Variants in BICRA observed in about 807,000 individuals in gnomAD.
BICRA encodes the protein BRD4 interacting chromatin remodeling complex associated protein.
BICRA carries 31 observed loss-of-function variants against 96.9 expected under a neutral mutation model. That is an observed-to-expected ratio of 0.32 (90% confidence interval 0.24 to 0.43). BICRA has a LOEUF of 0.43. Among genes scored for constraint, BICRA ranks in the 20% least tolerant of loss-of-function variants. The pLI is 1.00. For synonymous variants in BICRA, 1,350 were observed against 1,071.8 expected, an observed-to-expected ratio of 1.26 and a Z score of -5.07; for missense variants, 2,283 against 2,190.3, an observed-to-expected ratio of 1.04 and a Z score of -0.84.
intron 11 of BICRA, 131 bp downstream of exon 11, chr19:47,696,643 T>C (rs1973347873): frequency 1.3e-6 from 1 of 758,908 alleles, no homozygotes; most frequent in South Asian, 1.8e-5. Context: ...TTGGTAGCGA[T>C]GTAGTTCCCT....
chr19:47,685,243 C>T (rs923510826), intron 7 of BICRA, among the ~76,000 whole-genome samples: 2 of 151,970 alleles, frequency 1.3e-5, no homozygotes, highest in Non-Finnish European at 2.9e-5. Flanking sequence ...ACCTTGGCTT[C>T]TCACAGGGCT....
intron 1 of BICRA, among the ~76,000 whole-genome samples, chr19:47,644,139 C>G (rs1192667891): frequency 6.6e-6 from 1 of 152,050 alleles, no homozygotes; most frequent in African/African-American, 2.4e-5. Flanking sequence ...CCACCTCAGT[C>G]TCCCAAGTGG....
intron 1 of BICRA, among the ~76,000 whole-genome samples, chr19:47,648,029 T>A (rs572752892): frequency 6.6e-6 from 1 of 152,092 alleles, no homozygotes; most frequent in South Asian, 2.1e-4. Flanking sequence ...TGGGTCGGTG[T>A]GCGGGATAGG....
At chr19:47,638,811 T>C (rs1041730597) in intron 1 of BICRA, among the ~76,000 whole-genome samples, 1 of 151,962 alleles carries the variant, frequency 6.6e-6, no homozygotes, top group Non-Finnish European at 1.5e-5. Flanking sequence ...GCCGCCACCA[T>C]GCCCGGCTAG....
intron 1 of BICRA, among the ~76,000 whole-genome samples, chr19:47,656,989 G>T (rs1170693991): frequency 1.3e-5 from 2 of 152,070 alleles, no homozygotes; most frequent in South Asian, 4.1e-4. Context: ...AGCCTCCCGA[G>T]TAGCTGGGAC....
chr19:47,659,646 G>A (rs1482073304), intron 1 of BICRA, among the ~76,000 whole-genome samples: 1 of 150,390 alleles, frequency 6.6e-6, no homozygotes, highest in Non-Finnish European at 1.5e-5. Flanking sequence ...GGATTCCTTT[G>A]TGCAGTGAAC....
chr19:47,637,528 C>T (rs1972317648), intron 1 of BICRA, among the ~76,000 whole-genome samples: 1 of 152,198 alleles, frequency 6.6e-6, no homozygotes, highest in Non-Finnish European at 1.5e-5. Context: ...GATTCTCCTG[C>T]CTTGTTGAGA....
intron 1 of BICRA, among the ~76,000 whole-genome samples, chr19:47,642,629 G>A (rs1412372099): frequency 6.6e-6 from 1 of 152,154 alleles, no homozygotes; most frequent in African/African-American, 2.4e-5. Context: ...TTGAGCCCTG[G>A]AGGTGGAGGT....
In BICRA at chr19:47,701,908, C is replaced by A; in HGVS notation, c.4176C>A (p.Arg1392=). The change falls in exon 15 of 15, where the codon CGC becomes CGA. Residue 1392 remains arginine, a synonymous_variant. Transcript: ENST00000594866. The surrounding 1 kb of genome is among the most constrained non-coding windows in gnomAD (Gnocchi z 5.4). ...CPRLPLRKTY[R]ENVGGPGAPE... is the part of the protein sequence containing the mutation. ...GCCTGCCACTGCGCAAGACCTACCG[C>A]GAGAACGTGGGGGGCCCTGGCGCGC... is the stretch of plus-strand genomic sequence containing the variant. The A allele has an allele frequency of 6.9e-7, 1 of 1,441,838 alleles. No homozygotes were observed. Among genetic ancestry groups the A allele is most frequent in the Non-Finnish European group, 9.0e-7 (1 of 1,105,928 alleles). 89.3% of individuals were successfully genotyped at this position (1,441,838 alleles called of 1,614,324 possible). A position where few individuals can be genotyped will look rare whatever the true frequency, so the allele number is the denominator to read the frequency against.
chr19:47,676,745 T>C (rs745360135), intron 5 of BICRA, among the ~76,000 whole-genome samples: 39 of 151,752 alleles, frequency 2.6e-4, no homozygotes, highest in Non-Finnish European at 5.1e-4. Context: ...TTTCATAATA[T>C]AAATGATGAG....
chr19:47,684,510 G>C (rs1973115826), intron 7 of BICRA, among the ~76,000 whole-genome samples: 1 of 152,154 alleles, frequency 6.6e-6, no homozygotes, highest in South Asian at 2.1e-4. Flanking sequence ...TAGAGAGATG[G>C]GGTTTCGCCA....
rs1356470014 is a variant in BICRA at position 47,694,340 on chromosome 19, A to G, written c.2509A>G (p.Ile837Val). 3.2e-6 allele frequency: 3 copies of G among 942,186 alleles called. No individual in the cohort carries two copies. The highest frequency in any genetic ancestry group is 4.2e-5 in the African/African-American group (2 of 47,134). 58.4% of individuals were successfully genotyped at this position (942,186 alleles called of 1,614,324 possible). ...CCCAACTCTGCCTGGCATCTTTGTC[A>G]TCCAAAACCAGCTAGGCGTTCCCCC... ...APPTLPGIFV[I>V]QNQLGVPPPA... is the part of the protein sequence containing the mutation. The change falls in exon 8 of 15, where the codon ATC becomes GTC. Residue 837 changes from isoleucine (I) to valine (V), a missense_variant. By Grantham distance (29) the Ile-to-Val change is conservative (BLOSUM62 3). Transcript: ENST00000594866.
chr19:47,621,723 C>T (rs1472790405), intron 1 of BICRA, among the ~76,000 whole-genome samples: 1 of 152,100 alleles, frequency 6.6e-6, no homozygotes, highest in African/African-American at 2.4e-5. Flanking sequence ...CTGGCGTCCG[C>T]CTCCCAAAGT....
At position 47,633,794 on chromosome 19, in the gene BICRA, T is replaced by G. The variant is rs145962805; in HGVS notation, c.-108+24626T>G. Among the ~76,000 whole-genome samples the G allele has an allele frequency of 3.5e-3, 528 of 152,348 alleles. 5 individuals carry two copies. The highest frequency in any genetic ancestry group is 0.012 in the African/African-American group (508 of 41,576). ...ACCTCACCTGTAGTGAGTCATCGGG[T>G]GACAAGCCCTGACCTGAAGCCAGGC... On this transcript the variant is annotated intron_variant, in intron 1 of 14. Coordinates refer to ENST00000594866, the MANE Select transcript of BICRA (RefSeq NM_001394372.1).
chr19:47,661,373 G>A (rs545302478), intron 1 of BICRA, among the ~76,000 whole-genome samples: 4 of 152,226 alleles, frequency 2.6e-5, no homozygotes, highest in African/African-American at 9.6e-5. Context: ...TCATAGCCAC[G>A]TGGCCCAGGC....
rs1017539317 is a variant in BICRA, at chr19:47,694,120, G to A, written c.2289G>A (p.Pro763=). ...TCCCTCCCTCCCCTGCCCAGATCCC[G>A]GCAGCGGCTCCGCTGAAGGGCCCAG... The part of the protein sequence containing the change: ...QASPAPAPQI[P]AAAPLKGPGP... Residue 763 remains proline, a synonymous_variant, in exon 8 of 15, where the codon CCG becomes CCA. Coordinates refer to ENST00000594866, the MANE Select transcript of BICRA (RefSeq NM_001394372.1). 2.1e-5 allele frequency: 18 copies of A among 864,288 alleles called. No homozygotes were observed. The highest frequency in any genetic ancestry group is 1.1e-4 in the East Asian group (1 of 9,248). The allele number at this position is 864,288 out of a possible 1,614,324, so 53.5% of individuals were successfully genotyped here.
chr19:47,612,718 T>C (rs375694110), intron 1 of BICRA, among the ~76,000 whole-genome samples: 18 of 151,124 alleles, frequency 1.2e-4, no homozygotes, highest in African/African-American at 4.1e-4. Context: ...ATTTTACAGA[T>C]GGGGAAACTG....
intron 1 of BICRA, among the ~76,000 whole-genome samples, chr19:47,631,518 A>C (rs1274180101): frequency 6.6e-6 from 1 of 151,926 alleles, no homozygotes; most frequent in Non-Finnish European, 1.5e-5. Flanking sequence ...ATGAGCCACC[A>C]CATCCAGCCT....
chr19:47,661,401 T>C (rs897949668), intron 1 of BICRA, among the ~76,000 whole-genome samples: 2 of 151,920 alleles, frequency 1.3e-5, no homozygotes, highest in Non-Finnish European at 1.5e-5. Context: ...GGACTCGTAG[T>C]TGGGGCAGGT....
Sources: gnomAD v4.1 joint callset for allele counts (sites outside exome capture counted in the v4.1 genomes callset) on GRCh38, gnomAD v4.1.1 for gene constraint, Gnocchi (gnomAD v3.1) non-coding constraint, MANE v1.5 for transcripts, NCBI Gene and HGNC (gene_info 2026-07-23, HGNC 2026-07-21) for gene names.